Variants in FSIP2 observed in about 807,000 individuals in gnomAD.
FSIP2 encodes fibrous sheath interacting protein 2.
A neutral mutation model predicts 510.5 loss-of-function variants in FSIP2; 367 were observed. The observed-to-expected ratio is 0.72, with a 90% CI of 0.66 to 0.78. The LOEUF is 0.78. Ranked by LOEUF, FSIP2 falls within the 30% of genes least tolerant of loss-of-function variation. The pLI, the probability that FSIP2 is intolerant of heterozygous loss-of-function variation, is 0.00. For missense variants in FSIP2, 7,594 were observed against 7,901.7 expected, an observed-to-expected ratio of 0.96 and a Z score of 1.48; for synonymous variants, 2,601 against 2,732.2, an observed-to-expected ratio of 0.95 and a Z score of 1.50.
chr2:185,797,476 G>A lies in FSIP2; in HGVS notation c.10340G>A (p.Arg3447Lys), dbSNP rs1369813155. 27 of 1,521,674 alleles carry A rather than the reference G, an allele frequency of 1.8e-5. No individual in the cohort carries two copies. Among genetic ancestry groups the A allele is most frequent in the Admixed American group, 2.1e-5 (1 of 47,144 alleles). The allele number at this position is 1,521,674 out of a possible 1,614,324, so 94.3% of individuals were successfully genotyped here. A position where few individuals can be genotyped will look rare whatever the true frequency, so the allele number is the denominator to read the frequency against. ...TCCAATGAAGTTCATCTGATAGCAAGACATGTCACCACATCTGTGGTCACA... is the reference window on the plus strand; with the variant it reads ...TCCAATGAAGTTCATCTGATAGCAAAACATGTCACCACATCTGTGGTCACA... Reference protein sequence around the residue: ...MGSNEVHLIARHVTTSVVTYL... With the variant: ...MGSNEVHLIAKHVTTSVVTYL... The change falls in exon 16 of 23, where the codon AGA (arginine) becomes AAA (lysine). Residue 3447 changes from arginine (R) to lysine (K), a missense_variant. Transcript: ENST00000424728.
intron 16 of FSIP2, among the ~76,000 whole-genome samples, chr2:185,799,374 C>T (rs1033280197): frequency 5.3e-5 from 8 of 151,738 alleles, no homozygotes; most frequent in African/African-American, 1.9e-4. Context: ...TAGGATGCAT[C>T]GCTAAGCCTG....
In FSIP2 at chr2:185,797,230, G is replaced by A; in HGVS notation, c.10094G>A (p.Ser3365Asn). 6.5e-7 allele frequency: 1 copy of A among 1,534,842 alleles called. No individual in the cohort carries two copies. Among genetic ancestry groups the A allele is most frequent in the Non-Finnish European group, 8.7e-7 (1 of 1,146,188 alleles). ...AAACCATTTTTCATATCAAAACAAA[G>A]CTCTTTATCTGAAGTATCTGGAGGG... ...IMKPFFISKQ[S>N]SLSEVSGGQK... Residue 3365 changes from serine (S) to asparagine (N), a missense_variant, in exon 16 of 23, where the codon AGC (serine) becomes AAC (asparagine). Coordinates refer to ENST00000424728, the MANE Select transcript of FSIP2 (RefSeq NM_173651.4).
intron 7 of FSIP2, among the ~76,000 whole-genome samples, chr2:185,753,017 G>C (rs780944113): frequency 9.3e-5 from 14 of 151,052 alleles, no homozygotes; most frequent in Non-Finnish European, 1.6e-4. Context: ...ATTTTATCTG[G>C]GGCTAGTTGT....
intron 14 of FSIP2, chr2:185,783,916 C>A (rs1001453856): frequency 3.3e-5 from 5 of 152,070 alleles, no homozygotes; most frequent in African/African-American, 9.7e-5. Flanking sequence ...CATTAAAAAT[C>A]TTAGCTTGAT....
chr2:185,812,923 G>T (rs1025243604), intron 17 of FSIP2, among the ~76,000 whole-genome samples: 1 of 151,878 alleles, frequency 6.6e-6, no homozygotes, highest in Non-Finnish European at 1.5e-5. Context: ...GGGAAATTCT[G>T]TTATTTAATT....
chr2:185,806,725 C>G lies in FSIP2; in HGVS notation c.17419C>G (p.Gln5807Glu), dbSNP rs1188666101. The change falls in exon 17 of 23, where the codon CAA becomes GAA. Residue 5807 changes from glutamine (Q) to glutamate (E), a missense_variant. Transcript: ENST00000424728. ...GATCTTTTCTTCTATACCAGAAACA[C>G]AAATACAAGATAGATGTCAAAATGT... Reference protein sequence around the residue: ...QLIFSSIPETQIQDRCQNVSD... With the variant: ...QLIFSSIPETEIQDRCQNVSD... 3.1e-6 allele frequency: 5 copies of G among 1,609,712 alleles called. No individual in the cohort carries two copies. The highest frequency in any genetic ancestry group is 3.4e-6 in the Non-Finnish European group (4 of 1,177,976).
chr2:185,760,957 A>T, intron 9 of FSIP2, 31 bp from the exon 10 acceptor site: 2 of 835,026 alleles, frequency 2.4e-6, no homozygotes, highest in Non-Finnish European at 1.8e-6. Context: ...AAAAAAAAAA[A>T]CTATAGAGTT....
chr2:185,827,082 C>A (rs1377491694), intron 20 of FSIP2, among the ~76,000 whole-genome samples: 1 of 151,810 alleles, frequency 6.6e-6, no homozygotes, highest in Non-Finnish European at 1.5e-5. Context: ...TGTTTGGAAT[C>A]ATTGCCCTTG....
intron 19 of FSIP2, among the ~76,000 whole-genome samples, chr2:185,821,252 T>A (rs549096129): frequency 3.3e-5 from 5 of 151,978 alleles, no homozygotes; most frequent in African/African-American, 1.2e-4. Context: ...TGAATTATGC[T>A]AAACTATAGT....
chr2:185,751,343 G>C (rs1271055913), intron 7 of FSIP2, among the ~76,000 whole-genome samples: 1 of 151,036 alleles, frequency 6.6e-6, no homozygotes, highest in Non-Finnish European at 1.5e-5. Flanking sequence ...ATTATTCTTT[G>C]CTCTAATATT....
intron 19 of FSIP2, among the ~76,000 whole-genome samples, chr2:185,820,560 C>A (rs1199711828): frequency 6.6e-6 from 1 of 151,282 alleles, no homozygotes; most frequent in Non-Finnish European, 1.5e-5. Flanking sequence ...ATAGCACACT[C>A]CCCAGGATAA....
rs1350960349 is a variant in FSIP2 at position 185,806,023 on chromosome 2, A to G, written c.16717A>G (p.Thr5573Ala). The G allele has an allele frequency of 6.4e-7, 1 of 1,555,492 alleles. No individual in the cohort carries two copies. The highest frequency in any genetic ancestry group is 8.7e-7 in the Non-Finnish European group (1 of 1,150,286). The change falls in exon 17 of 23, where the codon ACA becomes GCA. Residue 5573 changes from threonine (T) to alanine (A), a missense_variant. Thr to Ala is a moderately conservative substitution (Grantham distance 58). Transcript: ENST00000424728. ...TGAGAAGAAAAGAAATTTAATTCCA[A>G]CAGATAAAAAAGGGAAAGATGATGA... ...EIEKKRNLIP[T>A]DKKGKDDEIY...
At chr2:185,828,039 C>A (rs765637067) in intron 20 of FSIP2, 117 bp from the exon 21 acceptor site, 10 of 609,996 alleles carry the variant, frequency 1.6e-5, no homozygotes, top group Admixed American at 3.1e-5. Context: ...ACTTCTTCGA[C>A]CTGCCTAAAC....
In FSIP2 at chr2:185,833,104, G is replaced by C. The variant is rs563506006; in HGVS notation, c.20602G>C (p.Asp6868His). Residue 6868 changes from aspartate to histidine, a missense_variant, in exon 23 of 23, where the codon GAT (aspartate) becomes CAT (histidine). Physicochemically the swap from Asp to His is moderately conservative, Grantham distance 81. Transcript: ENST00000424728. ...TTTGTCCACAGAAACTCCCAAGCCC[G>C]ATGTCTCCAAACAAGGATCTAAAAT... ...KEVISETPKP[D>H]VSKQGSKMLT... The C allele has an allele frequency of 1.9e-6, 3 of 1,610,132 alleles. No homozygotes were observed. The African/African-American group carries it at 4.0e-5, about 22-fold the overall frequency.
At chr2:185,783,943 T>C (rs1259158905) in intron 14 of FSIP2, 1 of 152,160 alleles carries the variant, frequency 6.6e-6, no homozygotes, top group African/African-American at 2.4e-5. Context: ...TAAAGAACTC[T>C]ATACCTTACC....
Position 185,802,398 on chromosome 2 carries a change from T to C in FSIP2, c.13092T>C (p.Ser4364=). 6.5e-7 allele frequency: 1 copy of C among 1,533,418 alleles called. No individual in the cohort carries two copies. The highest frequency in any genetic ancestry group is 2.0e-5 in the Admixed American group (1 of 50,728). The allele number at this position is 1,533,418 out of a possible 1,614,324, so 95.0% of individuals were successfully genotyped here. The change falls in exon 17 of 23, where the codon TCT becomes TCC. Residue 4364 remains serine, a synonymous_variant. Transcript: ENST00000424728. ...ATGACAAAGAACAGGCTTTCTTTTC[T>C]TTCAATACAGATATTGTGGATGAAC... The part of the protein sequence containing the change: ...LYDDKEQAFF[S]FNTDIVDELA...
chr2:185,800,260 G>C lies in FSIP2; in HGVS notation c.10954G>C (p.Ala3652Pro). The C allele has an allele frequency of 6.5e-7, 1 of 1,533,346 alleles. No individual in the cohort carries two copies. Among genetic ancestry groups the C allele is most frequent in the Non-Finnish European group, 8.7e-7 (1 of 1,145,438 alleles). 95.0% of individuals were successfully genotyped at this position (1,533,346 alleles called of 1,614,324 possible). A position where few individuals can be genotyped will look rare whatever the true frequency, so the allele number is the denominator to read the frequency against. The change falls in exon 17 of 23, where the codon GCA becomes CCA. Residue 3652 changes from alanine to proline, a missense_variant. Coordinates refer to ENST00000424728, the MANE Select transcript of FSIP2 (RefSeq NM_173651.4). ...CCTTTGCAACAAAATCAATAGACAG[G>C]CAAGCCCCAGAGACTGGCAATTTTC... ...VPLCNKINRQ[A>P]SPRDWQFSTQ...
chr2:185,803,513 C>A lies in FSIP2; in HGVS notation c.14207C>A (p.Ala4736Asp). The change falls in exon 17 of 23, where the codon GCT becomes GAT. Residue 4736 changes from alanine to aspartate, a missense_variant. By Grantham distance (126) the Ala-to-Asp change is moderately radical (BLOSUM62 -2). Coordinates refer to ENST00000424728, the MANE Select transcript of FSIP2 (RefSeq NM_173651.4). ...GCAAGAATAACTAATATCATCCTGGCTGAAATTTTTGATTTCCAAATTCAT... is the reference window on the plus strand; with the variant it reads ...GCAAGAATAACTAATATCATCCTGGATGAAATTTTTGATTTCCAAATTCAT... ...LAARITNIILAEIFDFQIHPD... is the reference protein window; with the variant it reads ...LAARITNIILDEIFDFQIHPD... 1 of 1,532,616 alleles carries A rather than the reference C, an allele frequency of 6.5e-7. No homozygotes were observed. The highest frequency in any genetic ancestry group is 8.7e-7 in the Non-Finnish European group (1 of 1,144,810). The allele number at this position is 1,532,616 out of a possible 1,614,324, so 94.9% of individuals were successfully genotyped here. A position where few individuals can be genotyped will look rare whatever the true frequency, so the allele number is the denominator to read the frequency against.
chr2:185,765,067 A>G (rs1241555034), intron 13 of FSIP2: 1 of 152,040 alleles, frequency 6.6e-6, no homozygotes, highest in Non-Finnish European at 1.5e-5. Flanking sequence ...AACTGTATAT[A>G]TTGACGGTAC....
Sources: allele counts gnomAD v4.1 joint callset (sites outside exome capture counted in the v4.1 genomes callset), GRCh38; gene constraint gnomAD v4.1.1; transcripts MANE v1.5; gene names NCBI Gene and HGNC (gene_info 2026-07-23, HGNC 2026-07-21).